L3MBTL4: variants seen among roughly 807,000 people sequenced by gnomAD.
L3MBTL4 encodes L3MBTL histone methyl-lysine binding protein 4, also known as lethal(3)malignant brain tumor-like protein 4.
L3MBTL4 carries 70 observed loss-of-function variants against 84.5 expected under a neutral mutation model. That is an observed-to-expected ratio of 0.83 (90% confidence interval 0.68 to 1.01). The LOEUF (loss-of-function observed/expected upper bound fraction) is 1.01, where lower values mean the gene tolerates loss of function less well. L3MBTL4 is among the 50% of genes least tolerant of loss of function. The pLI is 0.00. For missense variants in L3MBTL4, 715 were observed against 754.8 expected (o/e 0.95, Z 0.62); for synonymous variants, 274 against 259.8 (o/e 1.05, Z -0.52).
At chr18:6,217,637 C>A (rs892205390) in intron 10 of L3MBTL4, among the ~76,000 whole-genome samples, 3 of 152,270 alleles carry the variant, frequency 2.0e-5, no homozygotes, top group Non-Finnish European at 4.4e-5. Flanking sequence ...TGTTGGAATG[C>A]ATCCAGGAGT....
intron 4 of L3MBTL4, among the ~76,000 whole-genome samples, chr18:6,266,975 C>T (rs193277553): frequency 2.6e-5 from 4 of 151,578 alleles, no homozygotes; most frequent in Non-Finnish European, 1.5e-5. Context: ...AATTTCTGAG[C>T]CCCTGTTAAT....
At chr18:6,027,964 A>C (rs1443430283) in intron 16 of L3MBTL4, among the ~76,000 whole-genome samples, 1 of 152,062 alleles carries the variant, frequency 6.6e-6, no homozygotes, top group Non-Finnish European at 1.5e-5. Flanking sequence ...AGTTTGCAAA[A>C]ATTTTCTCCC....
rs558036816 is a variant in L3MBTL4 at position 6,157,170 on chromosome 18, C to T, written c.1096+14658G>A. Among the ~76,000 whole-genome samples the T allele has an allele frequency of 4.4e-3, 670 of 152,208 alleles. 2 individuals carry two copies. The highest frequency in any genetic ancestry group is 0.015 in the African/African-American group (634 of 41,536). On this transcript the variant is annotated intron_variant, in intron 13 of 18. Transcript: ENST00000317931. ...AAAAAACACAATATGCTGTAATTGT[C>T]TATTAAGTCAATGAGTACTTAGGGA...
chr18:6,092,924 T>C (rs2058508171), intron 15 of L3MBTL4, among the ~76,000 whole-genome samples: 1 of 152,216 alleles, frequency 6.6e-6, no homozygotes, highest in Admixed American at 6.5e-5. Flanking sequence ...GAGGTACATT[T>C]GTATTAAAGA....
chr18:6,347,000 A>G (rs2052939318), intron 1 of L3MBTL4, among the ~76,000 whole-genome samples: 1 of 152,188 alleles, frequency 6.6e-6, no homozygotes, highest in Non-Finnish European at 1.5e-5. Flanking sequence ...CAGCCTTTAA[A>G]AAGAAGGAAA....
chr18:6,309,888 T>C (rs929306512), intron 3 of L3MBTL4, among the ~76,000 whole-genome samples: 3 of 152,190 alleles, frequency 2.0e-5, no homozygotes, highest in South Asian at 4.1e-4. Context: ...AAGAAAAATA[T>C]TGATTAACTG....
rs80285119 is a variant in L3MBTL4, at chr18:5,970,926, C to T, written c.1445-1364G>A. Among the ~76,000 whole-genome samples the T allele has an allele frequency of 5.7e-3, 873 of 152,302 alleles. 7 individuals are homozygous for T. The highest frequency in any genetic ancestry group is 0.02 in the Middle Eastern group (6 of 294). On this transcript the variant is annotated intron_variant, in intron 16 of 18. Coordinates refer to ENST00000317931, the MANE Select transcript of L3MBTL4 (RefSeq NM_001330559.2). The stretch of plus-strand genomic sequence containing the variant: ...TCTGTGCAACACCACTCTCGTGGAT[C>T]GGAACAGACATCCTCATATTTAACA...
intron 16 of L3MBTL4, among the ~76,000 whole-genome samples, chr18:6,049,640 G>T (rs1443752352): frequency 6.6e-6 from 1 of 152,160 alleles, no homozygotes; most frequent in African/African-American, 2.4e-5. Flanking sequence ...CTGCATGTAC[G>T]TGGTTATAAG....
chr18:6,057,416 T>G (rs1347090667), intron 16 of L3MBTL4, among the ~76,000 whole-genome samples: 1 of 152,252 alleles, frequency 6.6e-6, no homozygotes, highest in Non-Finnish European at 1.5e-5. Context: ...AAATTGGTTT[T>G]TATTTTTTAA....
intron 10 of L3MBTL4, among the ~76,000 whole-genome samples, chr18:6,222,760 T>A (rs1052011088): frequency 5.3e-5 from 8 of 152,074 alleles, no homozygotes; most frequent in African/African-American, 1.9e-4. Flanking sequence ...TCAATTCATA[T>A]CGTTCAATTC....
chr18:6,243,562 C>T (rs2047538611), intron 6 of L3MBTL4, 133 bp from the exon 7 acceptor site: 2 of 638,602 alleles, frequency 3.1e-6, no homozygotes, highest in Middle Eastern at 4.3e-4. Flanking sequence ...CAAATGTTTC[C>T]ATTAAAGAAG....
At chr18:6,055,776 G>C (rs527636385) in intron 16 of L3MBTL4, among the ~76,000 whole-genome samples, 42 of 152,168 alleles carry the variant, frequency 2.8e-4, no homozygotes, top group Non-Finnish European at 5.3e-4. Context: ...CAGAGAAACA[G>C]TGACTGAGTT....
At chr18:6,409,453 G>A (rs2055874532) in intron 1 of L3MBTL4, among the ~76,000 whole-genome samples, 1 of 152,120 alleles carries the variant, frequency 6.6e-6, no homozygotes. Flanking sequence ...CATCAGTGTT[G>A]GGGCTCTATG....
At chr18:6,323,600 G>A (rs1215792396) in intron 1 of L3MBTL4, among the ~76,000 whole-genome samples, 2 of 152,222 alleles carry the variant, frequency 1.3e-5, no homozygotes, top group Non-Finnish European at 2.9e-5. Context: ...TAGGGTATCT[G>A]GTGGAAAAAG....
intron 12 of L3MBTL4, among the ~76,000 whole-genome samples, chr18:6,185,961 T>TTTTA (rs1555682210): frequency 1.0e-5 from 1 of 96,844 alleles, no homozygotes; most frequent in African/African-American, 4.7e-5. Context: ...GGGCACTTTC[T>TTTTA]TTATTTTATT....
chr18:6,130,204 G>C lies in L3MBTL4; in HGVS notation c.1199+7990C>G, dbSNP rs7244945. Among the ~76,000 whole-genome samples, 287 of 152,248 alleles carry C rather than the reference G, an allele frequency of 1.9e-3. 1 individual carries two copies. The highest frequency in any genetic ancestry group is 6.6e-3 in the African/African-American group (275 of 41,546). ...AGTGAGCGGTCAGTCTGGATGTCCA[G>C]TTCAGGTGAGTTCCAGGCCTTAAAC... On this transcript the variant is annotated intron_variant, in intron 14 of 18. Coordinates refer to ENST00000317931, the MANE Select transcript of L3MBTL4 (RefSeq NM_001330559.2).
At chr18:6,010,491 C>A (rs1041440649) in intron 16 of L3MBTL4, among the ~76,000 whole-genome samples, 9 of 152,188 alleles carry the variant, frequency 5.9e-5, no homozygotes, top group African/African-American at 2.2e-4. Flanking sequence ...CCACCACCTG[C>A]ATAAATGATC....
intron 16 of L3MBTL4, among the ~76,000 whole-genome samples, chr18:6,049,849 T>G (rs1181591281): frequency 6.6e-6 from 1 of 152,202 alleles, no homozygotes; most frequent in Non-Finnish European, 1.5e-5. Context: ...AACCTGTACA[T>G]GTAACCCTTG....
chr18:6,291,147 C>T (rs965228456), intron 4 of L3MBTL4, among the ~76,000 whole-genome samples: 14 of 152,110 alleles, frequency 9.2e-5, no homozygotes, highest in African/African-American at 3.1e-4. Context: ...GGAATCTCGC[C>T]CCTTTTTCTA....
Sources: allele counts gnomAD v4.1 joint callset (sites outside exome capture counted in the v4.1 genomes callset), GRCh38; gene constraint gnomAD v4.1.1; transcripts MANE v1.5; gene names NCBI Gene and HGNC (gene_info 2026-07-23, HGNC 2026-07-21).